DOCK2: variants seen among roughly 807,000 people sequenced by gnomAD.
DOCK2 encodes dedicator of cytokinesis protein 2.
A neutral mutation model predicts 248.9 loss-of-function variants in DOCK2; 87 were observed. The observed-to-expected ratio is 0.35, with a 90% CI of 0.29 to 0.42. DOCK2 has a LOEUF of 0.42. Ranked by LOEUF, DOCK2 falls within the 10% of genes least tolerant of loss-of-function variation. The probability of loss-of-function intolerance (pLI) is 1.00; values close to 1 mark genes in which losing one functional copy is unlikely to be tolerated. For missense variants in DOCK2, 1,747 were observed against 2,300.2 expected (o/e 0.76, Z 4.92); for synonymous variants, 805 against 821.6 (o/e 0.98, Z 0.35).
intron 26 of DOCK2, among the ~76,000 whole-genome samples, chr5:169,835,740 C>G (rs1346925452): frequency 6.6e-6 from 1 of 151,802 alleles, no homozygotes; most frequent in Non-Finnish European, 1.5e-5. Flanking sequence ...TGCTGTATTT[C>G]GTTTGTTTGG....
At chr5:169,639,219 G>T (rs192386237) in intron 1 of DOCK2, among the ~76,000 whole-genome samples, 52 of 152,312 alleles carry the variant, frequency 3.4e-4, no homozygotes, top group Non-Finnish European at 1.5e-4. Flanking sequence ...TCTGCTGACT[G>T]CCTGGTTAAT....
At chr5:169,658,850 A>G (rs1391135739) in intron 2 of DOCK2, among the ~76,000 whole-genome samples, 2 of 151,896 alleles carry the variant, frequency 1.3e-5, no homozygotes, top group Non-Finnish European at 2.9e-5. Context: ...TTTAAGACTA[A>G]CAAGACTCCA....
intron 27 of DOCK2, among the ~76,000 whole-genome samples, chr5:169,841,222 CTCAGGGT>C (rs1769950076): frequency 6.6e-6 from 1 of 152,194 alleles, no homozygotes; most frequent in East Asian, 1.9e-4. Context: ...GGTGCCCAGT[CTCAGGGT>C]CCTGTGAGCT....
At chr5:170,074,693 T>G (rs1406620349) in intron 46 of DOCK2, among the ~76,000 whole-genome samples, 1 of 152,232 alleles carries the variant, frequency 6.6e-6, no homozygotes, top group African/African-American at 2.4e-5. Context: ...TTGTGCCTGA[T>G]GCCCCTAAGC....
chr5:170,057,473 G>A (rs1033859566), intron 43 of DOCK2, 107 bp from the exon 44 acceptor site: 3 of 877,218 alleles, frequency 3.4e-6, no homozygotes, highest in Non-Finnish European at 3.8e-6. Flanking sequence ...CGGGTAGATG[G>A]GAGGCCCGGG....
At chr5:169,737,847 G>A (rs1340115975) in intron 22 of DOCK2, among the ~76,000 whole-genome samples, 3 of 152,164 alleles carry the variant, frequency 2.0e-5, no homozygotes, top group Non-Finnish European at 4.4e-5. Context: ...ATATCAAATA[G>A]GTAAATGTGT....
chr5:170,024,950 A>G (rs574346975), intron 33 of DOCK2, among the ~76,000 whole-genome samples: 19 of 152,342 alleles, frequency 1.2e-4, no homozygotes, highest in African/African-American at 4.6e-4. Context: ...ATTTACCTCA[A>G]CCACTTCTGT....
At chr5:169,883,764 A>G (rs1053441269) in intron 27 of DOCK2, 1 of 1,551,640 alleles carries the variant, frequency 6.4e-7, no homozygotes, top group Admixed American at 2.0e-5. Flanking sequence ...TTGGATTCTT[A>G]GTGGTCCCAT....
chr5:170,020,861 T>C lies in DOCK2; in HGVS notation c.3381+1753T>C, dbSNP rs545326539. ...AGAGGGTTTCAAGGTTAAATACCTT[T>C]GGAAATCACTGCATATTGGAACCCA... On this transcript the variant is annotated intron_variant, in intron 33 of 51. Transcript: ENST00000520908. 8.5e-5 allele frequency among the ~76,000 whole-genome samples: 13 copies of C among 152,368 alleles called. No individual in the cohort carries two copies. In the South Asian group the frequency reaches 2.7e-3, roughly 32 times the overall value.
intron 22 of DOCK2, among the ~76,000 whole-genome samples, chr5:169,725,575 G>A (rs1367169726): frequency 6.6e-6 from 1 of 151,996 alleles, no homozygotes; most frequent in Non-Finnish European, 1.5e-5. Context: ...TGTTACATAG[G>A]TATACATGTG....
chr5:169,709,620 C>G (rs1761467037), intron 15 of DOCK2, among the ~76,000 whole-genome samples: 1 of 152,118 alleles, frequency 6.6e-6, no homozygotes, highest in South Asian at 2.1e-4. Flanking sequence ...ACTCAGGAGG[C>G]TGAGGCATGA....
At chr5:170,066,877 T>A (rs548517954) in intron 44 of DOCK2, among the ~76,000 whole-genome samples, 1 of 152,296 alleles carries the variant, frequency 6.6e-6, no homozygotes, top group South Asian at 2.1e-4. Context: ...TCCTAAAATA[T>A]TTACTATCTG....
chr5:169,846,611 C>CACACACACACATATAT (rs1424281191), intron 27 of DOCK2, among the ~76,000 whole-genome samples: 4 of 16,910 alleles, frequency 2.4e-4, no homozygotes, highest in Non-Finnish European at 3.9e-4. Context: ...CACACATATA[C>CACACACACACATATAT]ACACACACAC....
At chr5:169,811,118 C>T (rs894570439) in intron 26 of DOCK2, among the ~76,000 whole-genome samples, 11 of 152,090 alleles carry the variant, frequency 7.2e-5, no homozygotes, top group Non-Finnish European at 1.0e-4. Context: ...GAGGGGACTG[C>T]GGCATGAGCA....
At chr5:170,039,412 C>T (rs148559845) in intron 36 of DOCK2, among the ~76,000 whole-genome samples, 3 of 152,328 alleles carry the variant, frequency 2.0e-5, no homozygotes, top group South Asian at 2.1e-4. Flanking sequence ...CCTGTCTCTT[C>T]TCCTAGACTC....
At chr5:169,812,014 T>C (rs756132834) in intron 26 of DOCK2, among the ~76,000 whole-genome samples, 1 of 152,240 alleles carries the variant, frequency 6.6e-6, no homozygotes, top group Non-Finnish European at 1.5e-5. Flanking sequence ...GGATAAATTC[T>C]AGCTCTGCTG....
chr5:169,818,743 T>G (rs1010555143), intron 26 of DOCK2, among the ~76,000 whole-genome samples: 1 of 152,162 alleles, frequency 6.6e-6, no homozygotes, highest in African/African-American at 2.4e-5. Flanking sequence ...TAACAGACTG[T>G]GTGACCTGAG....
intron 27 of DOCK2, among the ~76,000 whole-genome samples, chr5:169,951,390 AG>A (rs1036141981): frequency 6.6e-6 from 1 of 152,194 alleles, no homozygotes; most frequent in Non-Finnish European, 1.5e-5. Flanking sequence ...TGGTGGAGTC[AG>A]GGCTTGAATC....
chr5:169,933,668 T>C (rs558058191), intron 27 of DOCK2, among the ~76,000 whole-genome samples: 105 of 152,284 alleles, frequency 6.9e-4, no homozygotes, highest in Middle Eastern at 6.8e-3. Flanking sequence ...TCAGGGGACC[T>C]TACTGGCCGC....
Sources: allele counts gnomAD v4.1 joint callset (sites outside exome capture counted in the v4.1 genomes callset), GRCh38; gene constraint gnomAD v4.1.1; transcripts MANE v1.5; gene names NCBI Gene and HGNC (gene_info 2026-07-23, HGNC 2026-07-21).